KIT: variants seen among roughly 807,000 people sequenced by gnomAD.
KIT encodes mast/stem cell growth factor receptor Kit.
Under a neutral mutation model 105.7 loss-of-function variants are expected in KIT, and 16 were observed. That is an observed-to-expected ratio of 0.15 (90% CI 0.10 to 0.23). The LOEUF (loss-of-function observed/expected upper bound fraction) is 0.23. Ranked by LOEUF, KIT falls within the 10% of genes least tolerant of loss-of-function variation. The pLI, the probability that KIT is intolerant of heterozygous loss-of-function variation, is 1.00. For synonymous variants in KIT, 438 were observed against 441.1 expected (o/e 0.99, Z 0.09); for missense variants, 858 against 1,213.8 (o/e 0.71, Z 4.36).
chr4:54,679,325 G>A (rs1324839945), intron 1 of KIT, among the ~76,000 whole-genome samples: 4 of 152,164 alleles, frequency 2.6e-5, no homozygotes, highest in African/African-American at 4.8e-5. Flanking sequence ...GGAGCTGTAG[G>A]TGAACTGTTC....
chr4:54,690,029 G>T (rs1293120032), intron 1 of KIT, among the ~76,000 whole-genome samples: 1 of 148,608 alleles, frequency 6.7e-6, no homozygotes, highest in East Asian at 2.0e-4. Context: ...ATTCATGTGT[G>T]GCATGTATAG....
rs149220259 is a variant in KIT, at chr4:54,736,132, C to A, written c.2485-366C>A. Among the ~76,000 whole-genome samples, 303 of 152,184 alleles carry A rather than the reference C, an allele frequency of 2.0e-3. 1 individual carries two copies. Among genetic ancestry groups the A allele is most frequent in the African/African-American group, 5.2e-3 (217 of 41,530 alleles). ...AAATGTAGTCCTAATTGTGAGAGGC[C>A]GTGTTTCTGTTTTTAAGGAAGGAGA... On this transcript the variant is annotated intron_variant, in intron 17 of 20. Coordinates refer to ENST00000288135, the MANE Select transcript of KIT (RefSeq NM_000222.3).
rs1285065172 is a variant in KIT, at chr4:54,728,187, A to G, written c.1990+66A>G. ...TATCAAAACATGACATTTTAATATG[A>G]TTTTGGCAATGCTAGATTATAAACT... On this transcript the variant is annotated intron_variant, in intron 13 of 20. Transcript: ENST00000288135. 4.1e-5 allele frequency: 48 copies of G among 1,173,042 alleles called. No homozygotes were observed. The South Asian group carries it at 5.6e-4, about 14-fold the overall frequency. The allele number at this position is 1,173,042 out of a possible 1,614,324, so 72.7% of individuals were successfully genotyped here.
intron 1 of KIT, among the ~76,000 whole-genome samples, chr4:54,672,485 G>A (rs1718181768): frequency 6.6e-6 from 1 of 151,904 alleles, no homozygotes; most frequent in Non-Finnish European, 1.5e-5. Flanking sequence ...GTTTTTGTGG[G>A]GGCTATTTTC....
chr4:54,677,518 GA>G (rs1718565966), intron 1 of KIT, among the ~76,000 whole-genome samples: 1 of 152,174 alleles, frequency 6.6e-6, no homozygotes, highest in African/African-American at 2.4e-5. Context: ...GGTGGCCCCG[GA>G]AGGTTTTCAG....
At chr4:54,699,957 G>C (rs1720351131) in intron 4 of KIT, among the ~76,000 whole-genome samples, 191 bp downstream of exon 4, 1 of 152,054 alleles carries the variant, frequency 6.6e-6, no homozygotes, top group Non-Finnish European at 1.5e-5. Flanking sequence ...TTTATTATTA[G>C]TAACAAATAA....
chr4:54,725,079 A>G (rs536436610), intron 8 of KIT, among the ~76,000 whole-genome samples: 1 of 152,020 alleles, frequency 6.6e-6, no homozygotes, highest in South Asian at 2.1e-4. Flanking sequence ...CACTTTGACT[A>G]TTTTCTGGTC....
chr4:54,709,374 T>C (rs1474452506), intron 6 of KIT, 50 bp from the exon 7 acceptor site: 1 of 1,177,662 alleles, frequency 8.5e-7, no homozygotes. Flanking sequence ...AGACATGCCT[T>C]CCAAGGCATG....
intron 7 of KIT, among the ~76,000 whole-genome samples, chr4:54,721,069 T>A (rs1721838758): frequency 6.6e-6 from 1 of 152,238 alleles, no homozygotes; most frequent in Admixed American, 6.5e-5. Context: ...ACAACAGTGC[T>A]TACTGTGTGC....
At chr4:54,700,311 T>C (rs897072227) in intron 4 of KIT, among the ~76,000 whole-genome samples, 1 of 152,208 alleles carries the variant, frequency 6.6e-6, no homozygotes, top group Non-Finnish European at 1.5e-5. Context: ...TGCTAATGGT[T>C]TTCTATTTGT....
chr4:54,731,725 C>T, intron 15 of KIT, 146 bp from the exon 16 acceptor site: 1 of 835,024 alleles, frequency 1.2e-6, no homozygotes, highest in Non-Finnish European at 2.0e-6. Flanking sequence ...TCAGCATCTA[C>T]CTTTCCTGGA....
At chr4:54,673,881 T>G (rs1293239342) in intron 1 of KIT, among the ~76,000 whole-genome samples, 1 of 152,202 alleles carries the variant, frequency 6.6e-6, no homozygotes, top group Non-Finnish European at 1.5e-5. Flanking sequence ...GTGATTCTCG[T>G]GCCTCAGCCT....
At position 54,694,923 on chromosome 4, in the gene KIT, A is replaced by G. The variant is rs1173754099; in HGVS notation, c.68-589A>G. On this transcript the variant is annotated intron_variant, in intron 1 of 20. Coordinates refer to ENST00000288135, the MANE Select transcript of KIT (RefSeq NM_000222.3). Reference sequence around the variant, plus strand: ...AAATAGTTTCCTATCTAGGAAACCTATTTAGGCATTAGGGTGTTAAAACAG... The same window carrying G: ...AAATAGTTTCCTATCTAGGAAACCTGTTTAGGCATTAGGGTGTTAAAACAG... Among the ~76,000 whole-genome samples, 4 of 152,188 alleles carry G rather than the reference A, an allele frequency of 2.6e-5. No homozygotes were observed. The South Asian group carries it at 6.2e-4, about 24-fold the overall frequency.
intron 1 of KIT, among the ~76,000 whole-genome samples, chr4:54,658,459 G>A (rs1485811316): frequency 2.0e-5 from 3 of 152,150 alleles, no homozygotes; most frequent in African/African-American, 7.2e-5. Context: ...CTCTTGCCGT[G>A]CGAGGCGCGG....
chr4:54,689,589 C>T (rs1719551516), intron 1 of KIT, among the ~76,000 whole-genome samples: 1 of 152,088 alleles, frequency 6.6e-6, no homozygotes, highest in South Asian at 2.1e-4. Context: ...CATTGAGGGG[C>T]TCACAGAGGC....
chr4:54,685,504 C>T (rs1462858374), intron 1 of KIT, among the ~76,000 whole-genome samples: 1 of 152,180 alleles, frequency 6.6e-6, no homozygotes, highest in Non-Finnish European at 1.5e-5. Context: ...TGGTTGATGC[C>T]CTCATCAGCT....
chr4:54,713,503 A>C (rs1418565315), intron 7 of KIT, among the ~76,000 whole-genome samples: 1 of 152,200 alleles, frequency 6.6e-6, no homozygotes, highest in Non-Finnish European at 1.5e-5. Flanking sequence ...CCTCAAGGAC[A>C]AAAGGGATTG....
At chr4:54,668,848 T>C (rs1157665994) in intron 1 of KIT, among the ~76,000 whole-genome samples, 1 of 152,246 alleles carries the variant, frequency 6.6e-6, no homozygotes, top group Non-Finnish European at 1.5e-5. Flanking sequence ...TCAAAGGATA[T>C]AAATTTTGGC....
chr4:54,701,876 G>A (rs1006606024), intron 4 of KIT, among the ~76,000 whole-genome samples: 4 of 152,152 alleles, frequency 2.6e-5, no homozygotes, highest in Admixed American at 6.5e-5. Context: ...TTGATCTTAT[G>A]CTGTGAAATG....
Sources: allele counts gnomAD v4.1 joint callset (sites outside exome capture counted in the v4.1 genomes callset), GRCh38; gene constraint gnomAD v4.1.1; transcripts MANE v1.5; gene names NCBI Gene and HGNC (gene_info 2026-07-23, HGNC 2026-07-21).